Variants in MDGA2 observed in about 807,000 individuals in gnomAD.
The protein encoded by MDGA2 is MAM domain-containing glycosylphosphatidylinositol anchor protein 2.
A neutral mutation model predicts 117.8 loss-of-function variants in MDGA2; 40 were observed. The ratio of observed to expected loss-of-function variants is 0.34; its 90% CI spans 0.26 to 0.44. The LOEUF is 0.44. Ranked by LOEUF, MDGA2 falls within the 20% of genes least tolerant of loss-of-function variation. The pLI is 1.00. For synonymous variants in MDGA2, 452 were observed against 439.0 expected, an observed-to-expected ratio of 1.03 and a Z score of -0.37; for missense variants, 1,123 against 1,250.6, an observed-to-expected ratio of 0.90 and a Z score of 1.54.
intron 8 of MDGA2, among the ~76,000 whole-genome samples, chr14:47,008,204 C>T (rs529456195): frequency 2.0e-5 from 3 of 151,822 alleles, no homozygotes; most frequent in Admixed American, 1.3e-4. Flanking sequence ...AAACAAAAAA[C>T]GTTTCAGAGG....
At position 47,674,706 on chromosome 14, in the gene MDGA2, C is replaced by G; in HGVS notation, c.91G>C (p.Val31Leu). Residue 31 changes from valine to leucine, a missense_variant, in exon 1 of 17, where the codon GTT becomes CTT. Transcript: ENST00000399232. Reference protein sequence around the residue: ...DGRRFLLRRAVPGHLGLARAR... With the variant: ...DGRRFLLRRALPGHLGLARAR... The stretch of plus-strand genomic sequence containing the variant: ...CGGGCCAAGCCGAGGTGCCCGGGAA[C>G]CGCTCGCCGAAGGAGGAAGCGCCGT... The G allele has an allele frequency of 1.0e-6, 1 of 981,984 alleles. No individual in the cohort carries two copies. The highest frequency in any genetic ancestry group is 1.6e-6 in the Non-Finnish European group (1 of 629,374). 60.8% of individuals were successfully genotyped at this position (981,984 alleles called of 1,614,324 possible). A position where few individuals can be genotyped will look rare whatever the true frequency, so the allele number is the denominator to read the frequency against.
Position 46,874,073 on chromosome 14 carries a change from A to G in MDGA2, c.2565T>C (p.Pro855=). 6.4e-7 allele frequency: 1 copy of G among 1,555,974 alleles called. No individual in the cohort carries two copies. The highest frequency in any genetic ancestry group is 1.3e-5 in the South Asian group (1 of 79,810). Residue 855 remains proline, a synonymous_variant, in exon 13 of 17, where the codon CCT becomes CCC. Coordinates refer to ENST00000399232, the MANE Select transcript of MDGA2 (RefSeq NM_001113498.3). ...CTTTGGAGCCACTACGGTCAGCATT[A>G]GGTCCTGTATTAGGAGTATATTTTG... ...RNTKYTPNTG[P]NADRSGSKEG...
chr14:47,543,331 AAAT>A (rs1449769813), intron 1 of MDGA2, among the ~76,000 whole-genome samples: 18 of 152,196 alleles, frequency 1.2e-4, no homozygotes, highest in African/African-American at 4.3e-4. Flanking sequence ...AAAATGCAGA[AAAT>A]AATAATTGCA....
intron 1 of MDGA2, among the ~76,000 whole-genome samples, chr14:47,346,138 T>C (rs1192156318): frequency 6.6e-6 from 1 of 152,144 alleles, no homozygotes; most frequent in African/African-American, 2.4e-5. Context: ...GTGACGGATA[T>C]GCTAATTATC....
chr14:47,624,328 G>A (rs1373204937), intron 1 of MDGA2, among the ~76,000 whole-genome samples: 1 of 152,064 alleles, frequency 6.6e-6, no homozygotes, highest in East Asian at 1.9e-4. Context: ...CATGGTGGCG[G>A]CCATCTGTAA....
chr14:47,658,577 G>A (rs1897787460), intron 1 of MDGA2, among the ~76,000 whole-genome samples: 1 of 152,066 alleles, frequency 6.6e-6, no homozygotes, highest in African/African-American at 2.4e-5. Flanking sequence ...CTCCTGGAGG[G>A]CCAGTTCTCA....
At chr14:47,419,468 T>C (rs1463949641) in intron 1 of MDGA2, among the ~76,000 whole-genome samples, 1 of 152,126 alleles carries the variant, frequency 6.6e-6, no homozygotes, top group Admixed American at 6.5e-5. Context: ...GAAAAATGTA[T>C]AAAATATTTC....
At chr14:47,275,109 C>A in intron 2 of MDGA2, among the ~76,000 whole-genome samples, 1 of 152,052 alleles carries the variant, frequency 6.6e-6, no homozygotes, top group East Asian at 1.9e-4. Flanking sequence ...ATTGCTTGTG[C>A]TTTTGGTGCC....
chr14:47,386,404 C>G (rs1196986494), intron 1 of MDGA2, among the ~76,000 whole-genome samples: 1 of 152,106 alleles, frequency 6.6e-6, no homozygotes, highest in African/African-American at 2.4e-5. Context: ...TGACTGATAA[C>G]ACGTAGTTAA....
intron 1 of MDGA2, among the ~76,000 whole-genome samples, chr14:47,439,915 A>C (rs189927184): frequency 1.1e-3 from 161 of 152,154 alleles, no homozygotes; most frequent in Non-Finnish European, 1.2e-3. Flanking sequence ...GAAGATAATA[A>C]AAAGCAGACT....
At chr14:46,998,943 C>T (rs1887403020) in intron 8 of MDGA2, among the ~76,000 whole-genome samples, 1 of 152,000 alleles carries the variant, frequency 6.6e-6, no homozygotes, top group Non-Finnish European at 1.5e-5. Context: ...CATAAGAAAT[C>T]TCAGGAACCT....
chr14:47,431,309 G>A (rs537596506), intron 1 of MDGA2, among the ~76,000 whole-genome samples: 10 of 151,414 alleles, frequency 6.6e-5, no homozygotes, highest in Non-Finnish European at 1.3e-4. Context: ...GTTTAGGGAG[G>A]GGAAAAATAT....
At chr14:47,039,503 T>A (rs1256344934) in intron 7 of MDGA2, among the ~76,000 whole-genome samples, 1 of 152,194 alleles carries the variant, frequency 6.6e-6, no homozygotes, top group Non-Finnish European at 1.5e-5. Flanking sequence ...TCCTAAGTGG[T>A]CTCTCTGTCA....
At chr14:47,447,517 T>C (rs1208941716) in intron 1 of MDGA2, among the ~76,000 whole-genome samples, 4 of 152,156 alleles carry the variant, frequency 2.6e-5, no homozygotes, top group African/African-American at 9.7e-5. Context: ...ATGTAAAATC[T>C]CCACAGTGAC....
At chr14:47,260,870 T>C (rs1371496870) in intron 2 of MDGA2, among the ~76,000 whole-genome samples, 1 of 152,052 alleles carries the variant, frequency 6.6e-6, no homozygotes, top group Non-Finnish European at 1.5e-5. Context: ...ATAGCATTAC[T>C]AAAGAATGCA....
At chr14:47,377,603 C>T (rs886144949) in intron 1 of MDGA2, among the ~76,000 whole-genome samples, 4 of 152,002 alleles carry the variant, frequency 2.6e-5, no homozygotes, top group African/African-American at 9.7e-5. Flanking sequence ...GCCCACGGAG[C>T]CTTGCTCACT....
At chr14:47,339,727 C>A (rs72683876) in intron 1 of MDGA2, among the ~76,000 whole-genome samples, 1 of 152,034 alleles carries the variant, frequency 6.6e-6, no homozygotes, top group Admixed American at 6.6e-5. Flanking sequence ...GTACAGCTTG[C>A]GGAACAATGA....
intron 8 of MDGA2, among the ~76,000 whole-genome samples, chr14:47,014,251 T>C (rs1457765474): frequency 6.6e-6 from 1 of 152,192 alleles, no homozygotes; most frequent in Non-Finnish European, 1.5e-5. Context: ...GTTGCATTTA[T>C]GAAGCACAGG....
intron 2 of MDGA2, among the ~76,000 whole-genome samples, chr14:47,291,888 G>A (rs773454929): frequency 2.6e-5 from 4 of 152,222 alleles, no homozygotes; most frequent in Non-Finnish European, 5.9e-5. Flanking sequence ...ATATTACAGA[G>A]AGTGAGCGTT....
Sources: allele counts gnomAD v4.1 joint callset (sites outside exome capture counted in the v4.1 genomes callset), GRCh38; gene constraint gnomAD v4.1.1; transcripts MANE v1.5; gene names NCBI Gene and HGNC (gene_info 2026-07-23, HGNC 2026-07-21).